The following SMG6 variants were observed in gnomAD, a reference collection of about 807,000 sequenced individuals.
SMG6 encodes SMG6 nonsense mediated mRNA decay factor, also known as telomerase-binding protein EST1A.
Under a neutral mutation model 142.2 loss-of-function variants are expected in SMG6, and 66 were observed. The ratio of observed to expected loss-of-function variants is 0.46; its 90% CI spans 0.38 to 0.57. SMG6 has a LOEUF of 0.57. Ranked by LOEUF, SMG6 falls within the 20% of genes least tolerant of loss-of-function variation. The pLI, the probability that SMG6 is intolerant of heterozygous loss-of-function variation, is 0.00. For missense variants in SMG6, 1,793 were observed against 1,832.0 expected (o/e 0.98, Z 0.39); for synonymous variants, 779 against 702.4 (o/e 1.11, Z -1.72).
chr17:2,291,312 C>A (rs1257510287), intron 6 of SMG6, among the ~76,000 whole-genome samples: 1 of 149,614 alleles, frequency 6.7e-6, no homozygotes, highest in Non-Finnish European at 1.5e-5. Flanking sequence ...GCCTGAGCGA[C>A]AGAGCGAGAC....
intron 15 of SMG6, among the ~76,000 whole-genome samples, chr17:2,074,217 C>G (rs145085844): frequency 9.1e-6 from 1 of 109,312 alleles, no homozygotes; most frequent in Non-Finnish European, 1.9e-5. Context: ...GCTGGGACTA[C>G]AGGTGTGTGC....
chr17:2,163,198 T>G (rs2071234778), intron 13 of SMG6, among the ~76,000 whole-genome samples: 1 of 152,140 alleles, frequency 6.6e-6, no homozygotes, highest in Non-Finnish European at 1.5e-5. Flanking sequence ...TTATTTTATT[T>G]ATTTTTTAGA....
Position 2,299,702 on chromosome 17 carries a change from G to T in SMG6, c.1051C>A (p.Arg351Ser). ...NSAKEYRGTL[R>S]VTFDAEAMNK... ...ATGGCTTCTGCATCGAAAGTGACAC[G>T]AAGAGTGCCTCGATATTCTTTAGCA... is the stretch of plus-strand genomic sequence containing the variant. Residue 351 changes from arginine (R) to serine (S), a missense_variant, in exon 2 of 19, where the codon CGT becomes AGT. Coordinates refer to ENST00000263073, the MANE Select transcript of SMG6 (RefSeq NM_017575.5). The surrounding 1 kb of genome is among the most constrained non-coding windows in gnomAD (Gnocchi z 4.3). The T allele has an allele frequency of 2.5e-6, 4 of 1,614,154 alleles. No homozygotes were observed. The highest frequency in any genetic ancestry group is 3.4e-6 in the Non-Finnish European group (4 of 1,180,028).
chr17:2,266,260 G>A (rs910019827), intron 8 of SMG6: 21 of 785,300 alleles, frequency 2.7e-5, no homozygotes, highest in Non-Finnish European at 2.9e-5. Flanking sequence ...GGGTAACACA[G>A]AATATACACA....
intron 13 of SMG6, among the ~76,000 whole-genome samples, chr17:2,143,853 T>C (rs1355393150): frequency 1.2e-4 from 19 of 152,114 alleles, no homozygotes; most frequent in Admixed American, 1.2e-3. Context: ...TTCTTTTAGA[T>C]TTTTTTCTCC....
At chr17:2,091,694 A>C (rs1275748076) in intron 13 of SMG6, among the ~76,000 whole-genome samples, 1 of 143,138 alleles carries the variant, frequency 7.0e-6, no homozygotes, top group African/African-American at 2.7e-5. Context: ...TTTTTGAGAG[A>C]GAGTCTCGCT....
chr17:2,252,611 T>G (rs1183735676), intron 8 of SMG6, among the ~76,000 whole-genome samples: 1 of 152,204 alleles, frequency 6.6e-6, no homozygotes, highest in Admixed American at 6.5e-5. Context: ...GGGCTGTTTC[T>G]TCAACAGTTA....
intron 9 of SMG6, among the ~76,000 whole-genome samples, chr17:2,243,730 G>A (rs1170087980): frequency 6.6e-6 from 1 of 152,188 alleles, no homozygotes; most frequent in South Asian, 2.1e-4. Context: ...GTTATGACGG[G>A]AAGTGAAAGG....
intron 13 of SMG6, among the ~76,000 whole-genome samples, chr17:2,111,623 T>C (rs770109737): frequency 3.2e-4 from 48 of 152,158 alleles, no homozygotes; most frequent in Non-Finnish European, 1.5e-4. Flanking sequence ...AGACTGGCCT[T>C]GAACTCCTAG....
chr17:2,232,081 G>A (rs1042052465), intron 10 of SMG6, among the ~76,000 whole-genome samples: 3 of 151,810 alleles, frequency 2.0e-5, no homozygotes, highest in African/African-American at 7.3e-5. Context: ...AGAACAAGAG[G>A]GGGAGAGAAA....
chr17:2,190,682 A>G (rs2072131902), intron 10 of SMG6, among the ~76,000 whole-genome samples: 2 of 152,128 alleles, frequency 1.3e-5, no homozygotes, highest in African/African-American at 4.8e-5. Flanking sequence ...CAACAGCTGG[A>G]GTCTCTTTGG....
chr17:2,182,282 C>T (rs1055066764), intron 12 of SMG6, among the ~76,000 whole-genome samples: 2 of 152,220 alleles, frequency 1.3e-5, no homozygotes, highest in African/African-American at 4.8e-5. Flanking sequence ...TGAGAAACAG[C>T]TGTCCCCTGG....
intron 8 of SMG6, among the ~76,000 whole-genome samples, chr17:2,273,145 G>A (rs1055337226): frequency 1.3e-5 from 2 of 152,144 alleles, no homozygotes; most frequent in African/African-American, 4.8e-5. Context: ...AGTGCTGTTA[G>A]GCAGTGAGCT....
chr17:2,241,099 G>A (rs2073790099), intron 9 of SMG6, among the ~76,000 whole-genome samples: 1 of 152,154 alleles, frequency 6.6e-6, no homozygotes, highest in Non-Finnish European at 1.5e-5. Flanking sequence ...AGGGAGTGTA[G>A]TGCCTAGAAT....
chr17:2,234,776 G>A (rs1417662831), intron 10 of SMG6, among the ~76,000 whole-genome samples: 2 of 151,072 alleles, frequency 1.3e-5, no homozygotes, highest in South Asian at 2.1e-4. Flanking sequence ...TTGCAATCTC[G>A]GCTCACTGCA....
rs1303619432 is a variant in SMG6 at position 2,130,045 on chromosome 17, G to A, written c.3357+42613C>T. Among the ~76,000 whole-genome samples, 15 of 151,390 alleles carry A rather than the reference G, an allele frequency of 9.9e-5. No homozygotes were observed. In the East Asian group the frequency reaches 2.9e-3, roughly 29 times the overall value. ...GAGGCTGAGGCGAGTGGATCACGAG[G>A]TCAGGAGATCAAGACCATCCTGGCT... On this transcript the variant is annotated intron_variant, in intron 13 of 18. Transcript: ENST00000263073.
At chr17:2,200,526 GAA>G (rs59613514) in intron 10 of SMG6, among the ~76,000 whole-genome samples, 32 of 137,664 alleles carry the variant, frequency 2.3e-4, no homozygotes, top group East Asian at 4.4e-4. Flanking sequence ...ACCCACGACA[GAA>G]AAAAAAAAAA....
intron 12 of SMG6, among the ~76,000 whole-genome samples, chr17:2,184,344 C>T (rs557400707): frequency 2.0e-5 from 3 of 149,322 alleles, no homozygotes; most frequent in African/African-American, 7.5e-5. Context: ...ACCTGGGCAA[C>T]AGAGCAAGAC....
chr17:2,228,874 A>G (rs1404977131), intron 10 of SMG6, among the ~76,000 whole-genome samples: 1 of 152,096 alleles, frequency 6.6e-6, no homozygotes, highest in Non-Finnish European at 1.5e-5. Flanking sequence ...TGGTAGTTAC[A>G]TGTGTGTTTA....
Sources: allele counts gnomAD v4.1 joint callset (sites outside exome capture counted in the v4.1 genomes callset), GRCh38; gene constraint gnomAD v4.1.1; non-coding constraint Gnocchi (gnomAD v3.1); transcripts MANE v1.5; gene names NCBI Gene and HGNC (gene_info 2026-07-23, HGNC 2026-07-21).